MTSS1: variants seen among roughly 807,000 people sequenced by gnomAD.
The protein encoded by MTSS1 is protein MTSS 1.
MTSS1 carries 18 observed loss-of-function variants against 79.0 expected under a neutral mutation model. The ratio of observed to expected loss-of-function variants is 0.23; its 90% CI spans 0.16 to 0.34. The LOEUF (loss-of-function observed/expected upper bound fraction) is 0.34. MTSS1 is among the 10% of genes least tolerant of loss of function. MTSS1 has a pLI of 1.00. For missense variants in MTSS1, 815 were observed against 986.2 expected (o/e 0.83, Z 2.33); for synonymous variants, 341 against 368.6 (o/e 0.93, Z 0.86).
intron 1 of MTSS1, among the ~76,000 whole-genome samples, chr8:124,713,032 C>T (rs991543526): frequency 4.6e-5 from 7 of 152,182 alleles, no homozygotes; most frequent in African/African-American, 1.7e-4. Context: ...CTTAAGTTTT[C>T]CACCAGGAAG....
intron 2 of MTSS1, among the ~76,000 whole-genome samples, chr8:124,702,487 A>G (rs1401693076): frequency 1.3e-5 from 2 of 152,196 alleles, no homozygotes; most frequent in African/African-American, 4.8e-5. Context: ...TTCACTGTCC[A>G]TCTGAGGCTG....
intron 6 of MTSS1, among the ~76,000 whole-genome samples, chr8:124,570,748 G>A (rs1277036654): frequency 6.6e-6 from 1 of 152,170 alleles, no homozygotes; most frequent in African/African-American, 2.4e-5. Flanking sequence ...TGTCACTCAG[G>A]CTGGAGTGCA....
At chr8:124,568,813 AC>A in intron 6 of MTSS1, 1 of 1,440,556 alleles carries the variant, frequency 6.9e-7, no homozygotes, top group Non-Finnish European at 9.0e-7. Context: ...ACACTGCACA[AC>A]CCCCACCAAC....
In MTSS1 at chr8:124,727,973, G is replaced by A; in HGVS notation, c.-18C>T. ...GCCTCCATTTTCCCGGCTCCGGCAG[G>A]GCGAGGGCACACACGCGGGGCCGCT... is the stretch of plus-strand genomic sequence containing the variant. On this transcript the variant is annotated 5_prime_UTR_variant, in exon 1 of 14. Coordinates refer to ENST00000518547, the MANE Select transcript of MTSS1 (RefSeq NM_014751.6). This position sits in a 1 kb window ranked among gnomAD's most constrained non-coding sequence, Gnocchi z 4.7. 1 of 1,607,340 alleles carries A rather than the reference G, an allele frequency of 6.2e-7. No individual in the cohort carries two copies. The highest frequency in any genetic ancestry group is 8.5e-7 in the Non-Finnish European group (1 of 1,177,322).
At chr8:124,714,065 G>A (rs2135654364) in intron 1 of MTSS1, among the ~76,000 whole-genome samples, 1 of 152,262 alleles carries the variant, frequency 6.6e-6, no homozygotes, top group Admixed American at 6.5e-5. Context: ...TTTCCTTTAT[G>A]ATTTCAGATA....
At chr8:124,695,682 A>G (rs921790305) in intron 3 of MTSS1, among the ~76,000 whole-genome samples, 6 of 152,248 alleles carry the variant, frequency 3.9e-5, no homozygotes, top group Non-Finnish European at 8.8e-5. Flanking sequence ...ACAGTGCTAC[A>G]TTCAGAAATT....
intron 1 of MTSS1, among the ~76,000 whole-genome samples, chr8:124,705,220 C>T (rs1830223518): frequency 6.6e-6 from 1 of 152,142 alleles, no homozygotes; most frequent in South Asian, 2.1e-4. Context: ...GCTGTAATTC[C>T]AGCACTTTGG....
intron 3 of MTSS1, among the ~76,000 whole-genome samples, chr8:124,619,988 C>G (rs1813179156): frequency 7.1e-6 from 1 of 140,120 alleles, no homozygotes; most frequent in South Asian, 2.2e-4. Context: ...TTTTGCTCTT[C>G]TTGGCCGGGC....
At chr8:124,662,387 T>C (rs1455806667) in intron 3 of MTSS1, among the ~76,000 whole-genome samples, 1 of 152,034 alleles carries the variant, frequency 6.6e-6, no homozygotes, top group Non-Finnish European at 1.5e-5. Context: ...GTTCAATAAA[T>C]ACTTCTGAAT....
At chr8:124,562,280 G>A (rs1009546185) in intron 10 of MTSS1, among the ~76,000 whole-genome samples, 1 of 152,184 alleles carries the variant, frequency 6.6e-6, no homozygotes, top group Admixed American at 6.5e-5. Context: ...AGTGCCAACA[G>A]AATTATGTGC....
chr8:124,659,906 C>T (rs549232557), intron 3 of MTSS1, among the ~76,000 whole-genome samples: 212 of 152,318 alleles, frequency 1.4e-3, no homozygotes, highest in African/African-American at 4.8e-3. Flanking sequence ...AATACATGCA[C>T]ACAAAATGGT....
chr8:124,646,174 C>A (rs1818962175), intron 3 of MTSS1, among the ~76,000 whole-genome samples: 1 of 152,194 alleles, frequency 6.6e-6, no homozygotes, highest in Non-Finnish European at 1.5e-5. Flanking sequence ...TTTGTGTTTT[C>A]TTCTGTCCAT....
intron 3 of MTSS1, among the ~76,000 whole-genome samples, chr8:124,647,994 G>A (rs1295400452): frequency 2.0e-5 from 3 of 152,160 alleles, no homozygotes; most frequent in African/African-American, 7.2e-5. Flanking sequence ...GAGTAGCAAG[G>A]GGAATACAGT....
chr8:124,708,866 T>G (rs1040006372), intron 1 of MTSS1, among the ~76,000 whole-genome samples: 7 of 146,454 alleles, frequency 4.8e-5, no homozygotes, highest in Non-Finnish European at 7.5e-5. Flanking sequence ...TATAATTTAA[T>G]AGATTCTAAA....
At chr8:124,558,349 G>T (rs1424802970) in intron 10 of MTSS1, among the ~76,000 whole-genome samples, 1 of 151,998 alleles carries the variant, frequency 6.6e-6, no homozygotes, top group African/African-American at 2.4e-5. Context: ...AAACTAAAAA[G>T]CGGAAAAGCA....
chr8:124,647,653 T>G (rs2134110190), intron 3 of MTSS1, among the ~76,000 whole-genome samples: 1 of 152,366 alleles, frequency 6.6e-6, no homozygotes, highest in Admixed American at 6.5e-5. Flanking sequence ...TCTTCCATCA[T>G]GTTTTAGCTC....
At chr8:124,701,223 C>T (rs1447344705) in intron 2 of MTSS1, among the ~76,000 whole-genome samples, 1 of 151,950 alleles carries the variant, frequency 6.6e-6, no homozygotes, top group Non-Finnish European at 1.5e-5. Flanking sequence ...GGTGACAGAG[C>T]AATACCCTCT....
chr8:124,700,732 TA>T (rs1829582562), intron 2 of MTSS1, among the ~76,000 whole-genome samples: 1 of 152,148 alleles, frequency 6.6e-6, no homozygotes, highest in African/African-American at 2.4e-5. Flanking sequence ...TCATTCAGCG[TA>T]GTCAACACTC....
chr8:124,675,474 T>C (rs1034227259), intron 3 of MTSS1, among the ~76,000 whole-genome samples: 2 of 152,256 alleles, frequency 1.3e-5, no homozygotes, highest in Non-Finnish European at 2.9e-5. Context: ...TTGATGCAGA[T>C]TATGCATGTG....
Sources: allele counts gnomAD v4.1 joint callset (sites outside exome capture counted in the v4.1 genomes callset), GRCh38; gene constraint gnomAD v4.1.1; non-coding constraint Gnocchi (gnomAD v3.1); transcripts MANE v1.5; gene names NCBI Gene and HGNC (gene_info 2026-07-23, HGNC 2026-07-21).